The following SPINT2 variants were observed in gnomAD, a reference collection of about 807,000 sequenced individuals.
SPINT2 encodes the protein serine peptidase inhibitor, Kunitz type 2, also known as kunitz-type protease inhibitor 2.
Under a neutral mutation model 30.1 loss-of-function variants are expected in SPINT2, and 18 were observed. The ratio of observed to expected loss-of-function variants is 0.60; its 90% CI spans 0.41 to 0.89. The LOEUF is 0.89. Among genes scored for constraint, SPINT2 ranks in the 40% least tolerant of loss-of-function variants. The probability of loss-of-function intolerance (pLI) is 0.00; values close to 1 mark genes in which losing one functional copy is unlikely to be tolerated. For missense variants in SPINT2, 276 were observed against 334.3 expected (o/e 0.83, Z 1.36); for synonymous variants, 139 against 137.9 (o/e 1.01, Z -0.05).
Position 38,287,126 on chromosome 19 carries a change from C to A in SPINT2, c.278-750C>A, listed in dbSNP as rs150845399. Among the ~76,000 whole-genome samples the A allele has an allele frequency of 3.3e-5, 5 of 152,220 alleles. No homozygotes were observed. In the South Asian group the frequency reaches 1.0e-3, roughly 32 times the overall value. On this transcript the variant is annotated intron_variant, in intron 2 of 6. Transcript: ENST00000301244. ...ACAACCTCTGCCTCCCAGGTTCAGGCGATTCTCCTGCCTCAGCCACCCGAG... is the reference window on the plus strand; with the variant it reads ...ACAACCTCTGCCTCCCAGGTTCAGGAGATTCTCCTGCCTCAGCCACCCGAG...
rs141469594 is a variant in SPINT2, at chr19:38,290,021, G to A, written c.392-98G>A. ...TTCTTTACCAGAGAGATGTTTCTCC[G>A]TCTGCTGGAGCCGCAAGCCTCCTCA... On this transcript the variant is annotated intron_variant, in intron 4 of 6. Transcript: ENST00000301244. This position sits in a 1 kb window ranked among gnomAD's most constrained non-coding sequence, Gnocchi z 4.3. 18 of 1,311,554 alleles carry A rather than the reference G, an allele frequency of 1.4e-5. No individual in the cohort carries two copies. The highest frequency in any genetic ancestry group is 4.6e-5 in the East Asian group (2 of 43,434). The allele number at this position is 1,311,554 out of a possible 1,614,324, so 81.2% of individuals were successfully genotyped here.
chr19:38,288,300 G>T, intron 3 of SPINT2: 1 of 388,956 alleles, frequency 2.6e-6, no homozygotes, highest in Middle Eastern at 8.4e-4. Context: ...TGCCTGTTCT[G>T]TCTCCTCTGC....
In SPINT2 at chr19:38,292,100, A is replaced by G. The variant is rs1241537301; in HGVS notation, c.*94A>G. ...ATTGACTCGGATTTGAGTGATCATT[A>G]GGGCTGAGGTCTGTTTCTCTGGGAG... On this transcript the variant is annotated 3_prime_UTR_variant, in exon 7 of 7. Transcript: ENST00000301244. 6.6e-7 allele frequency: 1 copy of G among 1,514,770 alleles called. No individual in the cohort carries two copies. Among genetic ancestry groups the G allele is most frequent in the East Asian group, 2.4e-5 (1 of 41,622 alleles). The allele number at this position is 1,514,770 out of a possible 1,614,324, so 93.8% of individuals were successfully genotyped here.
chr19:38,271,393 A>G (rs1968454476), intron 1 of SPINT2, among the ~76,000 whole-genome samples: 3 of 152,018 alleles, frequency 2.0e-5, no homozygotes, highest in Admixed American at 2.0e-4. Context: ...CTGGGAGGCT[A>G]AGGCAGGAGA....
chr19:38,283,502 C>A, intron 1 of SPINT2, 125 bp from the exon 2 acceptor site: 1 of 1,223,028 alleles, frequency 8.2e-7, no homozygotes, highest in Non-Finnish European at 1.2e-6. Context: ...TGGGAAACAG[C>A]TCACAGGGGA....
intron 1 of SPINT2, among the ~76,000 whole-genome samples, chr19:38,273,393 T>C (rs1226339889): frequency 6.6e-6 from 1 of 152,134 alleles, no homozygotes; most frequent in Non-Finnish European, 1.5e-5. Flanking sequence ...TAGGCTTCAG[T>C]ACCTCCTGTC....
intron 1 of SPINT2, among the ~76,000 whole-genome samples, chr19:38,279,810 T>C (rs1198276870): frequency 6.6e-6 from 1 of 152,118 alleles, no homozygotes; most frequent in Non-Finnish European, 1.5e-5. Context: ...CCCACCACCA[T>C]GCCCAGCTAA....
Position 38,289,997 on chromosome 19 carries a change from T to G in SPINT2, c.392-122T>G, listed in dbSNP as rs1600351999. The G allele has an allele frequency of 8.1e-6, 9 of 1,114,456 alleles. No individual in the cohort carries two copies. The East Asian group carries it at 1.7e-4, about 20-fold the overall frequency. 69.0% of individuals were successfully genotyped at this position (1,114,456 alleles called of 1,614,324 possible). ...TGGTCTTGGGTGTAATTTACAGGCT[T>G]CTTTACCAGAGAGATGTTTCTCCGT... On this transcript the variant is annotated intron_variant, in intron 4 of 6. Coordinates refer to ENST00000301244, the MANE Select transcript of SPINT2 (RefSeq NM_021102.4).
In SPINT2 at chr19:38,290,697, T is replaced by C. The variant is rs1968707577; in HGVS notation, c.592+122T>C. The stretch of plus-strand genomic sequence containing the variant: ...CTGTGAACATCATCTTGGCAGAAAG[T>C]CATGTTTCTGCGTGAGAATGGCGAG... On this transcript the variant is annotated intron_variant, in intron 6 of 6. Coordinates refer to ENST00000301244, the MANE Select transcript of SPINT2 (RefSeq NM_021102.4). The surrounding 1 kb of genome is among the most constrained non-coding windows in gnomAD (Gnocchi z 4.3). 3 of 1,325,230 alleles carry C rather than the reference T, an allele frequency of 2.3e-6. No homozygotes were observed. In the East Asian group the frequency reaches 7.5e-5, roughly 33 times the overall value. 82.1% of individuals were successfully genotyped at this position (1,325,230 alleles called of 1,614,324 possible).
chr19:38,286,910 G>A (rs1968648747), intron 2 of SPINT2, among the ~76,000 whole-genome samples: 1 of 152,010 alleles, frequency 6.6e-6, no homozygotes, highest in Admixed American at 6.6e-5. Flanking sequence ...CTCAAGTGAT[G>A]CCCCCCACCC....
intron 2 of SPINT2, among the ~76,000 whole-genome samples, chr19:38,286,863 C>A (rs1223826036): frequency 6.6e-6 from 1 of 151,984 alleles, no homozygotes; most frequent in East Asian, 1.9e-4. Context: ...GAGATTAGGT[C>A]TTTTTATGTT....
At chr19:38,280,869 A>G (rs888518962) in intron 1 of SPINT2, among the ~76,000 whole-genome samples, 5 of 152,168 alleles carry the variant, frequency 3.3e-5, no homozygotes, top group Admixed American at 3.3e-4. Context: ...AAGGTGTACA[A>G]TATTCCCCTG....
At chr19:38,278,787 G>C (rs895925260) in intron 1 of SPINT2, among the ~76,000 whole-genome samples, 1 of 152,162 alleles carries the variant, frequency 6.6e-6, no homozygotes, top group Non-Finnish European at 1.5e-5. Flanking sequence ...GGGTGACAGA[G>C]TAAGACTGAG....
At position 38,265,083 on chromosome 19, in the gene SPINT2, C is replaced by T; in HGVS notation, c.106+85C>T. On this transcript the variant is annotated intron_variant, in intron 1 of 6. Coordinates refer to ENST00000301244, the MANE Select transcript of SPINT2 (RefSeq NM_021102.4). ...CGGGGGTCTGAGCAGGGAGAACTGGCGGGGGAGGAAACTGGGGGCTACTTG... is the reference window on the plus strand; with the variant it reads ...CGGGGGTCTGAGCAGGGAGAACTGGTGGGGGAGGAAACTGGGGGCTACTTG... The T allele has an allele frequency of 7.2e-6, 6 of 836,014 alleles. 1 individual carries two copies. The South Asian group carries it at 1.1e-4, about 15-fold the overall frequency. 51.8% of individuals were successfully genotyped at this position (836,014 alleles called of 1,614,324 possible).
At chr19:38,280,063 T>C (rs902151671) in intron 1 of SPINT2, among the ~76,000 whole-genome samples, 1 of 152,226 alleles carries the variant, frequency 6.6e-6, no homozygotes, top group African/African-American at 2.4e-5. Context: ...CTTAAACTAC[T>C]AAGTCAGTGA....
At chr19:38,287,419 C>T (rs751880762) in intron 2 of SPINT2, among the ~76,000 whole-genome samples, 1 of 152,064 alleles carries the variant, frequency 6.6e-6, no homozygotes, top group African/African-American at 2.4e-5. Context: ...AGGATGGTCT[C>T]GATCCCTGAC....
At chr19:38,276,096 C>T (rs969674037) in intron 1 of SPINT2, among the ~76,000 whole-genome samples, 16 of 152,126 alleles carry the variant, frequency 1.1e-4, no homozygotes, top group African/African-American at 3.9e-4. Flanking sequence ...TTTGTGTGAT[C>T]ACACACTGAC....
intron 1 of SPINT2, among the ~76,000 whole-genome samples, chr19:38,280,939 G>C (rs1021109650): frequency 1.6e-4 from 25 of 152,220 alleles, no homozygotes; most frequent in African/African-American, 6.0e-4. Flanking sequence ...ACACAAAGCA[G>C]CCAGAGGGGC....
In SPINT2 at chr19:38,264,840, C is replaced by T; in HGVS notation, c.-53C>T. ...CGTTGAGGGGCTTCCCGCACCTGAT[C>T]GCGAGACCCCAACGGCTGGTGGCGT... is the stretch of plus-strand genomic sequence containing the variant. On this transcript the variant is annotated 5_prime_UTR_variant, in exon 1 of 7. Transcript: ENST00000301244. 1 of 1,514,014 alleles carries T rather than the reference C, an allele frequency of 6.6e-7. No individual in the cohort carries two copies. The highest frequency in any genetic ancestry group is 8.9e-7 in the Non-Finnish European group (1 of 1,129,748). The allele number at this position is 1,514,014 out of a possible 1,614,324, so 93.8% of individuals were successfully genotyped here. A position where few individuals can be genotyped will look rare whatever the true frequency, so the allele number is the denominator to read the frequency against.
Sources: gnomAD v4.1 joint callset for allele counts (sites outside exome capture counted in the v4.1 genomes callset) on GRCh38, gnomAD v4.1.1 for gene constraint, Gnocchi (gnomAD v3.1) non-coding constraint, MANE v1.5 for transcripts, NCBI Gene and HGNC (gene_info 2026-07-23, HGNC 2026-07-21) for gene names.